DNAH5: variants seen among roughly 807,000 people sequenced by gnomAD.
DNAH5 encodes the protein axonemal beta dynein heavy chain 5.
In DNAH5, 372 loss-of-function variants were observed where a neutral mutation model predicts 518.2. The observed-to-expected ratio is 0.72, with a 90% CI of 0.66 to 0.78. The LOEUF (loss-of-function observed/expected upper bound fraction) is 0.78. DNAH5 is among the 30% of genes least tolerant of loss of function. The pLI is 0.00. For missense variants in DNAH5, 5,523 were observed against 5,687.0 expected (o/e 0.97, Z 0.93); for synonymous variants, 2,039 against 2,025.9 (o/e 1.01, Z -0.17).
rs370080157 is a variant in DNAH5, at chr5:13,885,151, C to A, written c.2821G>T (p.Val941Phe). 1 of 1,614,102 alleles carries A rather than the reference C, an allele frequency of 6.2e-7. No homozygotes were observed. Among genetic ancestry groups the A allele is most frequent in the Non-Finnish European group, 8.5e-7 (1 of 1,180,044 alleles). The change falls in exon 19 of 79, where the codon GTC becomes TTC. Residue 941 changes from valine to phenylalanine, a missense_variant. This residue lies in a region of DNAH5 where 5,121 missense variants were observed against 5,223.3 expected (regional missense o/e 0.98). Transcript: ENST00000265104. ...ARANALLLTT[V>F]TRKKKETEML... is the part of the protein sequence containing the mutation. The stretch of plus-strand genomic sequence containing the variant: ...TCAGTTTCTTTCTTTTTCCTCGTGA[C>A]TGTCGTCAAAAGCAGGGCATTGGCC...
chr5:13,980,363 C>G (rs1463136251), intron 1 of DNAH5, among the ~76,000 whole-genome samples: 1 of 152,146 alleles, frequency 6.6e-6, no homozygotes, highest in Non-Finnish European at 1.5e-5. Flanking sequence ...CCTCCAACTC[C>G]AGACATGGAT....
In DNAH5 at chr5:13,917,195, T is replaced by G; in HGVS notation, c.1037A>C (p.Lys346Thr). 1.2e-6 allele frequency: 2 copies of G among 1,614,046 alleles called. No homozygotes were observed. Among genetic ancestry groups the G allele is most frequent in the Non-Finnish European group, 1.7e-6 (2 of 1,179,968 alleles). ...DATNEAKDNV[K>T]YLYTLEKCCD... Reference sequence around the variant, plus strand: ...ACATTTTTCAAGTGTATACAAGTATTTCACATTGTCCTTTGCTTCATTAGT... The same window carrying G: ...ACATTTTTCAAGTGTATACAAGTATGTCACATTGTCCTTTGCTTCATTAGT... Residue 346 changes from lysine (K) to threonine (T), a missense_variant, in exon 8 of 79, where the codon AAA becomes ACA. Physicochemically the swap from Lys to Thr is moderately conservative, Grantham distance 78 (BLOSUM62 -1). Around this residue, in one of 3 missense-constraint regions of DNAH5, gnomAD observed 5,121 missense variants for 5,223.3 expected, o/e 0.98. Transcript: ENST00000265104.
chr5:13,945,280 G>A (rs1310037894), upstream of DNAH5, among the ~76,000 whole-genome samples: 1 of 152,190 alleles, frequency 6.6e-6, no homozygotes, highest in African/African-American at 2.4e-5. Flanking sequence ...ATAAAAGGCA[G>A]GACACTTAAG....
intron 65 of DNAH5, 110 bp downstream of exon 65, chr5:13,750,968 G>T: frequency 8.2e-7 from 1 of 1,221,494 alleles, no homozygotes; most frequent in Non-Finnish European, 1.2e-6. Context: ...AAAACACAGG[G>T]AATAAAAGGA....
intron 58 of DNAH5, among the ~76,000 whole-genome samples, chr5:13,767,939 T>G (rs1284893769): frequency 6.6e-6 from 1 of 152,254 alleles, no homozygotes; most frequent in Non-Finnish European, 1.5e-5. Flanking sequence ...ATTTGTTGTA[T>G]GGATTTATGT....
At chr5:13,934,631 T>G (rs1778746620) in intron 1 of DNAH5, among the ~76,000 whole-genome samples, 1 of 152,158 alleles carries the variant, frequency 6.6e-6, no homozygotes, top group Admixed American at 6.5e-5. Flanking sequence ...AAGAAAGAAT[T>G]TTTTAAGGTA....
intron 43 of DNAH5, among the ~76,000 whole-genome samples, chr5:13,813,949 G>C (rs1761071095): frequency 6.6e-6 from 1 of 151,966 alleles, no homozygotes; most frequent in Non-Finnish European, 1.5e-5. Flanking sequence ...TGTAAAACAA[G>C]ATTTTTCATG....
chr5:13,941,667 C>T (rs993584790), intron 1 of DNAH5, among the ~76,000 whole-genome samples: 4 of 152,212 alleles, frequency 2.6e-5, no homozygotes, highest in South Asian at 4.1e-4. Flanking sequence ...AGCTTCTCGG[C>T]GGGAGAGGGA....
chr5:13,882,883 A>G lies in DNAH5; in HGVS notation c.3174+21T>C, dbSNP rs770521439. ...AAAGAAGTGGTTTCCATATGAAACC[A>G]TTTCTGCACCCCATACCCACCTTGG... is the stretch of plus-strand genomic sequence containing the variant. On this transcript the variant is annotated intron_variant, in intron 20 of 78. Coordinates refer to ENST00000265104, the MANE Select transcript of DNAH5 (RefSeq NM_001369.3). 21 of 1,614,148 alleles carry G rather than the reference A, an allele frequency of 1.3e-5. No individual in the cohort carries two copies. The South Asian group carries it at 2.2e-4, about 17-fold the overall frequency.
chr5:13,876,574 GCA>G, intron 22 of DNAH5, 108 bp downstream of exon 22: 1 of 1,297,890 alleles, frequency 7.7e-7, no homozygotes, highest in Non-Finnish European at 1.1e-6. Context: ...CTCCCTGAAA[GCA>G]CAGTGTGTGA....
At chr5:13,733,823 C>T (rs1353001939) in intron 68 of DNAH5, among the ~76,000 whole-genome samples, 1 of 152,124 alleles carries the variant, frequency 6.6e-6, no homozygotes, top group Non-Finnish European at 1.5e-5. Flanking sequence ...TCCTTCCCTA[C>T]TGTTCCCCTA....
At chr5:13,761,655 A>T (rs1751804914) in intron 60 of DNAH5, among the ~76,000 whole-genome samples, 1 of 151,906 alleles carries the variant, frequency 6.6e-6, no homozygotes, top group South Asian at 2.1e-4. Flanking sequence ...GAATGACTGT[A>T]CTTTTCACTT....
At chr5:13,703,120 T>C (rs10071635) in intron 76 of DNAH5, among the ~76,000 whole-genome samples, 73,693 of 151,760 alleles carry the variant, frequency 0.49, 18,430 homozygotes, top group Non-Finnish European at 0.54. Context: ...ATTCTCTCCA[T>C]CCCTTCTCTT....
At chr5:13,800,838 G>A (rs568945257) in intron 47 of DNAH5, among the ~76,000 whole-genome samples, 206 of 152,022 alleles carry the variant, frequency 1.4e-3, no homozygotes, top group African/African-American at 4.6e-3. Context: ...TATGAACTGC[G>A]GTCCAGTTAA....
chr5:13,820,758 G>T (rs968575006), intron 40 of DNAH5, among the ~76,000 whole-genome samples: 1 of 146,780 alleles, frequency 6.8e-6, no homozygotes, highest in Non-Finnish European at 1.5e-5. Flanking sequence ...CTGGGAGGCA[G>T]AGGTTGCAGT....
chr5:13,939,393 C>T (rs1326016105), intron 1 of DNAH5, among the ~76,000 whole-genome samples: 2 of 152,186 alleles, frequency 1.3e-5, no homozygotes, highest in Non-Finnish European at 2.9e-5. Context: ...AGCTCCCCCT[C>T]AATTTACAGC....
chr5:13,901,618 TAAATA>T (rs1297185452), intron 13 of DNAH5, 45 bp from the exon 14 acceptor site: 1 of 1,226,180 alleles, frequency 8.2e-7, no homozygotes, highest in South Asian at 1.4e-5. Flanking sequence ...TGGAATAAAA[TAAATA>T]AAATACACAA....
At chr5:13,882,852 T>A (rs758634479) in intron 20 of DNAH5, 37 bp from the exon 21 acceptor site, 1 of 1,613,678 alleles carries the variant, frequency 6.2e-7, no homozygotes, top group Non-Finnish European at 8.5e-7. Context: ...TTCTGTCCTA[T>A]CTGTAAAAGA....
At chr5:13,974,378 G>T (rs948350835) in intron 1 of DNAH5, among the ~76,000 whole-genome samples, 6 of 151,992 alleles carry the variant, frequency 3.9e-5, no homozygotes, top group African/African-American at 1.2e-4. Context: ...GCCTGCCTTG[G>T]CCTCCCAAAA....
Sources: gnomAD v4.1 joint callset for allele counts (sites outside exome capture counted in the v4.1 genomes callset) on GRCh38, gnomAD v4.1.1 for gene constraint, gnomAD v4.1.1 regional missense constraint, MANE v1.5 for transcripts, NCBI Gene and HGNC (gene_info 2026-07-23, HGNC 2026-07-21) for gene names.